Variants in PDE9A observed in about 807,000 individuals in gnomAD.
The protein encoded by PDE9A is phosphodiesterase 9A, also known as high affinity cGMP-specific 3',5'-cyclic phosphodiesterase 9A.
In PDE9A, 60 loss-of-function variants were observed where a neutral mutation model predicts 87.4. The ratio of observed to expected loss-of-function variants is 0.69; its 90% CI spans 0.56 to 0.85. The LOEUF (loss-of-function observed/expected upper bound fraction) is 0.85, where lower values mean the gene tolerates loss of function less well. PDE9A is among the 40% of genes least tolerant of loss of function. The pLI, the probability that PDE9A is intolerant of heterozygous loss-of-function variation, is 0.00. For missense variants in PDE9A, 665 were observed against 779.0 expected, an observed-to-expected ratio of 0.85 and a Z score of 1.74; for synonymous variants, 272 against 279.4, an observed-to-expected ratio of 0.97 and a Z score of 0.27.
chr21:42,701,816 T>A (rs888261402), intron 4 of PDE9A, among the ~76,000 whole-genome samples: 1 of 152,232 alleles, frequency 6.6e-6, no homozygotes, highest in African/African-American at 2.4e-5. Context: ...ATATGTCTTC[T>A]CATTGTGTTT....
intron 8 of PDE9A, among the ~76,000 whole-genome samples, chr21:42,750,649 C>T (rs1021221923): frequency 2.0e-4 from 31 of 151,914 alleles, no homozygotes; most frequent in African/African-American, 5.8e-4. Context: ...AATCTCTGCT[C>T]ACTGCAACCT....
In PDE9A at chr21:42,705,646, C is replaced by T. The variant is rs2048766516; in HGVS notation, c.262+6635C>T. ...GCTGCAGTCACACGCCAGGACGGCCCCCCACGGCCCAAGTCCTATAGGAGA... is the reference window on the plus strand; with the variant it reads ...GCTGCAGTCACACGCCAGGACGGCCTCCCACGGCCCAAGTCCTATAGGAGA... On this transcript the variant is annotated intron_variant, in intron 4 of 19. Coordinates refer to ENST00000291539, the MANE Select transcript of PDE9A (RefSeq NM_002606.3). This position sits in a 1 kb window ranked among gnomAD's most constrained non-coding sequence, Gnocchi z 4.3. Among the ~76,000 whole-genome samples the T allele has an allele frequency of 6.6e-6, 1 of 152,132 alleles. No homozygotes were observed. Among genetic ancestry groups the T allele is most frequent in the Non-Finnish European group, 1.5e-5 (1 of 68,026 alleles).
rs139000815 is a variant in PDE9A, at chr21:42,660,350, C to A, written c.69+6467C>A. 1.2e-3 allele frequency among the ~76,000 whole-genome samples: 185 copies of A among 152,302 alleles called. No homozygotes were observed. The highest frequency in any genetic ancestry group is 3.8e-3 in the African/African-American group (158 of 41,572). On this transcript the variant is annotated intron_variant, in intron 1 of 19. Transcript: ENST00000291539. The surrounding 1 kb of genome is among the most constrained non-coding windows in gnomAD (Gnocchi z 4.7). ...CCAGCTTCCAGGAGCAGGTGCGGGG[C>A]CTGCAGGGACGGCTCGCAGAGAAGG...
At chr21:42,698,352 G>A (rs1299192182) in intron 3 of PDE9A, among the ~76,000 whole-genome samples, 7 of 152,182 alleles carry the variant, frequency 4.6e-5, no homozygotes, top group Admixed American at 4.6e-4. Context: ...GCCACTGACT[G>A]CTCCTGGTCT....
rs371874687 is a variant in PDE9A, at chr21:42,732,093, G to T, written c.466G>T (p.Val156Leu). ...AGAGAGAGAAGAATTAATCCAGAGCGTGCTGGCGCAGGTTGCAGAGCAGTT... is the reference window on the plus strand; with the variant it reads ...AGAGAGAGAAGAATTAATCCAGAGCTTGCTGGCGCAGGTTGCAGAGCAGTT... ...PPEREELIQS[V>L]LAQVAEQFSR... The change falls in exon 6 of 20, where the codon GTG (valine) becomes TTG (leucine). Residue 156 changes from valine (V) to leucine (L), a missense_variant. By Grantham distance (32) the Val-to-Leu change is conservative (BLOSUM62 1). Coordinates refer to ENST00000291539, the MANE Select transcript of PDE9A (RefSeq NM_002606.3). 12 of 1,614,214 alleles carry T rather than the reference G, an allele frequency of 7.4e-6. No homozygotes were observed. Among genetic ancestry groups the T allele is most frequent in the Non-Finnish European group, 1.0e-5 (12 of 1,180,006 alleles).
At chr21:42,700,081 A>G (rs1468648327) in intron 4 of PDE9A, among the ~76,000 whole-genome samples, 1 of 151,920 alleles carries the variant, frequency 6.6e-6, no homozygotes, top group East Asian at 1.9e-4. Context: ...CATCCATGAG[A>G]TTTCTTTTTG....
chr21:42,740,572 T>C (rs576014441), intron 7 of PDE9A, among the ~76,000 whole-genome samples: 78 of 141,646 alleles, frequency 5.5e-4, no homozygotes, highest in African/African-American at 2.1e-3. Context: ...GATGAATGCA[T>C]AGATGGATGG....
intron 4 of PDE9A, among the ~76,000 whole-genome samples, chr21:42,728,456 T>G (rs1261606074): frequency 2.0e-5 from 3 of 152,244 alleles, no homozygotes; most frequent in South Asian, 4.1e-4. Context: ...AATATGATCA[T>G]GTAATTTTTC....
chr21:42,682,263 A>G (rs182619720), intron 1 of PDE9A, among the ~76,000 whole-genome samples: 177 of 152,394 alleles, frequency 1.2e-3, no homozygotes, highest in African/African-American at 3.9e-3. Context: ...GAGTGAAGCA[A>G]TGTTGAAATG....
chr21:42,745,257 G>A (rs376868100), intron 8 of PDE9A, among the ~76,000 whole-genome samples: 50 of 152,334 alleles, frequency 3.3e-4, no homozygotes, highest in African/African-American at 1.1e-3. Context: ...AAGGCCGAGC[G>A]GAAGGAAGCA....
Position 42,747,559 on chromosome 21 carries a change from C to T in PDE9A, c.654-3557C>T, listed in dbSNP as rs562799472. ...TGGGAACAGCAGTGGCATCGGGGTC[C>T]GGCACACAGCACCCGGGAGCAGGTG... On this transcript the variant is annotated intron_variant, in intron 8 of 19. Transcript: ENST00000291539. Among the ~76,000 whole-genome samples the T allele has an allele frequency of 1.1e-4, 16 of 152,248 alleles. 1 individual carries two copies. Among genetic ancestry groups the T allele is most frequent in the Admixed American group, 7.2e-4 (11 of 15,288 alleles).
At position 42,669,947 on chromosome 21, in the gene PDE9A, C is replaced by T. The variant is rs892674057; in HGVS notation, c.69+16064C>T. ...CAGCCCTGGCACCAGGTGGGCATGC[C>T]AGCATCACCTTCAAGGTGTGCTTTA... On this transcript the variant is annotated intron_variant, in intron 1 of 19. Coordinates refer to ENST00000291539, the MANE Select transcript of PDE9A (RefSeq NM_002606.3). 2.6e-5 allele frequency among the ~76,000 whole-genome samples: 4 copies of T among 152,154 alleles called. 1 individual carries two copies. In the South Asian group the frequency reaches 6.2e-4, roughly 24 times the overall value.
chr21:42,686,095 C>G (rs2059446220), intron 1 of PDE9A, 97 bp from the exon 2 acceptor site: 2 of 831,930 alleles, frequency 2.4e-6, no homozygotes, highest in Admixed American at 4.0e-5. Flanking sequence ...TCAAAACGAA[C>G]CTTCAGTTTG....
intron 7 of PDE9A, among the ~76,000 whole-genome samples, chr21:42,738,077 GCAGGGCCCTTTACTC>G (rs1396516809): frequency 1.3e-5 from 2 of 152,304 alleles, no homozygotes; most frequent in Admixed American, 1.3e-4. Context: ...AGATTTTAAA[GCAGGGCCCTTTACTC>G]CCTTCCTTCC....
At chr21:42,768,358 C>A (rs1602577255) in intron 16 of PDE9A, 66 bp downstream of exon 16, 2 of 1,174,612 alleles carry the variant, frequency 1.7e-6, no homozygotes, top group Non-Finnish European at 2.5e-6. Flanking sequence ...TAAGGGTTTG[C>A]GTTAAACGAG....
chr21:42,740,747 GATAA>G (rs1240737995), intron 7 of PDE9A, among the ~76,000 whole-genome samples: 32 of 134,426 alleles, frequency 2.4e-4, no homozygotes, highest in African/African-American at 9.1e-4. Context: ...TAGATAGATA[GATAA>G]ACAGGATAGA....
chr21:42,769,575 C>T (rs1602588608), intron 17 of PDE9A, among the ~76,000 whole-genome samples: 2 of 115,184 alleles, frequency 1.7e-5, no homozygotes, highest in Admixed American at 8.5e-5. Context: ...CACACACACA[C>T]ATGCACACAG....
chr21:42,675,535 T>C lies in PDE9A; in HGVS notation c.70-10657T>C, dbSNP rs1469867011. 6.6e-6 allele frequency among the ~76,000 whole-genome samples: 1 copy of C among 152,230 alleles called. No individual in the cohort carries two copies. The highest frequency in any genetic ancestry group is 2.4e-5 in the African/African-American group (1 of 41,454). Reference sequence around the variant, plus strand: ...TAAGAGCCATTCCTGGAAATGAGACTGTGAGTCAAAGGGCACAAATACCGC... The same window carrying C: ...TAAGAGCCATTCCTGGAAATGAGACCGTGAGTCAAAGGGCACAAATACCGC... On this transcript the variant is annotated intron_variant, in intron 1 of 19. Transcript: ENST00000291539. The surrounding 1 kb of genome is among the most constrained non-coding windows in gnomAD (Gnocchi z 4.3).
intron 8 of PDE9A, among the ~76,000 whole-genome samples, chr21:42,749,254 G>A (rs544397755): frequency 1.3e-5 from 2 of 152,270 alleles, no homozygotes; most frequent in Admixed American, 6.5e-5. Context: ...TTTACAAATC[G>A]CAGGAGCTTC....
Sources: allele counts gnomAD v4.1 joint callset (sites outside exome capture counted in the v4.1 genomes callset), GRCh38; gene constraint gnomAD v4.1.1; non-coding constraint Gnocchi (gnomAD v3.1); transcripts MANE v1.5; gene names NCBI Gene and HGNC (gene_info 2026-07-23, HGNC 2026-07-21).